The following THSD7B variants were observed in gnomAD, a reference collection of about 807,000 sequenced individuals.
The protein encoded by THSD7B is thrombospondin type-1 domain-containing protein 7B.
Under a neutral mutation model 213.6 loss-of-function variants are expected in THSD7B, and 138 were observed. The observed-to-expected ratio is 0.65, with a 90% CI of 0.56 to 0.74. THSD7B has a LOEUF of 0.74. THSD7B is among the 30% of genes least tolerant of loss of function. THSD7B has a pLI of 0.00. For missense variants in THSD7B, 1,931 were observed against 1,991.5 expected (o/e 0.97, Z 0.58); for synonymous variants, 742 against 687.0 (o/e 1.08, Z -1.25).
chr2:137,243,499 T>G (rs929341782), intron 10 of THSD7B, among the ~76,000 whole-genome samples: 21 of 152,204 alleles, frequency 1.4e-4, no homozygotes, highest in African/African-American at 5.1e-4. Context: ...AGAGCATGGC[T>G]CTCTTGCTGC....
intron 15 of THSD7B, among the ~76,000 whole-genome samples, chr2:137,511,894 T>C (rs1175124283): frequency 6.6e-6 from 1 of 152,176 alleles, no homozygotes; most frequent in Non-Finnish European, 1.5e-5. Context: ...CTTATTCCTT[T>C]GCCACCTGCC....
At chr2:136,970,970 A>C (rs1685394969) in intron 2 of THSD7B, among the ~76,000 whole-genome samples, 2 of 152,228 alleles carry the variant, frequency 1.3e-5, no homozygotes, top group Non-Finnish European at 2.9e-5. Flanking sequence ...TTACATGTCC[A>C]TATTTCAAGA....
chr2:137,122,949 T>G (rs143939829), intron 5 of THSD7B, among the ~76,000 whole-genome samples: 37 of 152,296 alleles, frequency 2.4e-4, no homozygotes, highest in African/African-American at 8.9e-4. Context: ...GTCACCTTGC[T>G]GCTATGCAAG....
chr2:136,977,159 T>G (rs1685495094), intron 2 of THSD7B, among the ~76,000 whole-genome samples: 1 of 152,214 alleles, frequency 6.6e-6, no homozygotes. Flanking sequence ...TATTGGTCTA[T>G]TCAACTTATT....
chr2:136,904,852 G>A (rs1684131694), intron 2 of THSD7B, among the ~76,000 whole-genome samples: 1 of 152,224 alleles, frequency 6.6e-6, no homozygotes, highest in Admixed American at 6.5e-5. Flanking sequence ...GCAAATGCAT[G>A]TTCCATTTGT....
At chr2:137,506,534 A>T (rs1321104824) in intron 15 of THSD7B, among the ~76,000 whole-genome samples, 1 of 152,194 alleles carries the variant, frequency 6.6e-6, no homozygotes, top group Non-Finnish European at 1.5e-5. Flanking sequence ...TGTGATTCTG[A>T]CTCTCAAACG....
intron 15 of THSD7B, among the ~76,000 whole-genome samples, chr2:137,560,336 G>T (rs569773505): frequency 6.6e-6 from 1 of 151,918 alleles, no homozygotes; most frequent in Non-Finnish European, 1.5e-5. Flanking sequence ...GATAGACTGG[G>T]TTAAAAAAAA....
rs147378647 is a variant in THSD7B at position 137,600,256 on chromosome 2, C to T, written c.3424-15919C>T. The stretch of plus-strand genomic sequence containing the variant: ...CAAAATGAGCATTCAGCTTTGGAAA[C>T]ACTAAAGGTTATTGGTTTCAGTATC... On this transcript the variant is annotated intron_variant, in intron 17 of 27. Coordinates refer to ENST00000409968, the MANE Select transcript of THSD7B (RefSeq NM_001316349.2). Among the ~76,000 whole-genome samples the T allele has an allele frequency of 3.7e-3, 568 of 152,246 alleles. 2 individuals carry two copies. The highest frequency in any genetic ancestry group is 0.013 in the African/African-American group (542 of 41,546).
intron 15 of THSD7B, among the ~76,000 whole-genome samples, chr2:137,549,059 G>A (rs1006852706): frequency 1.8e-4 from 27 of 151,866 alleles, no homozygotes; most frequent in African/African-American, 4.8e-4. Context: ...GGAAAGTAAA[G>A]GTTTTCCTCA....
At chr2:137,455,245 C>G (rs769386036) in intron 15 of THSD7B, among the ~76,000 whole-genome samples, 1 of 152,094 alleles carries the variant, frequency 6.6e-6, no homozygotes, top group Non-Finnish European at 1.5e-5. Flanking sequence ...TGAGTGGTGC[C>G]TAGTTCCACA....
chr2:137,392,929 T>C (rs181568289), intron 12 of THSD7B, among the ~76,000 whole-genome samples: 1 of 152,090 alleles, frequency 6.6e-6, no homozygotes, highest in African/African-American at 2.4e-5. Flanking sequence ...CTGAGTTTTA[T>C]ACTTTTTATG....
chr2:137,288,907 G>A (rs1683250321), intron 12 of THSD7B, among the ~76,000 whole-genome samples: 1 of 152,014 alleles, frequency 6.6e-6, no homozygotes, highest in Admixed American at 6.6e-5. Flanking sequence ...AAACTGGTGT[G>A]ATGAAAAGGA....
intron 1 of THSD7B, among the ~76,000 whole-genome samples, chr2:136,861,722 T>TATGACAATAATAAATGAC (rs1253418646): frequency 3.3e-5 from 5 of 152,248 alleles, no homozygotes; most frequent in Non-Finnish European, 5.9e-5. Flanking sequence ...AATGTATTGG[T>TATGACAATAATAAATGAC]CATTTATTAT....
intron 5 of THSD7B, among the ~76,000 whole-genome samples, chr2:137,154,436 C>T (rs1488835248): frequency 2.0e-5 from 3 of 152,016 alleles, no homozygotes; most frequent in Non-Finnish European, 1.5e-5. Flanking sequence ...TCTTATAGTA[C>T]CTCTTTTTAC....
chr2:137,166,186 A>G (rs1453628512), intron 6 of THSD7B, among the ~76,000 whole-genome samples: 1 of 152,114 alleles, frequency 6.6e-6, no homozygotes, highest in African/African-American at 2.4e-5. Context: ...CAAGGGAACC[A>G]TGATCGGCAG....
chr2:136,944,853 C>G (rs1416169477), intron 2 of THSD7B, among the ~76,000 whole-genome samples: 2 of 151,822 alleles, frequency 1.3e-5, no homozygotes, highest in Non-Finnish European at 2.9e-5. Flanking sequence ...ATTTGCCAGT[C>G]TGTGTCTTTT....
rs559458323 is a variant in THSD7B at position 137,034,897 on chromosome 2, C to T, written c.140-21523C>T. On this transcript the variant is annotated intron_variant, in intron 2 of 27. Coordinates refer to ENST00000409968, the MANE Select transcript of THSD7B (RefSeq NM_001316349.2). Reference sequence around the variant, plus strand: ...CTATTGTAAATAGTGCTGCAATAAACATACATGTGCATGTGTCTTTATAGT... The same window carrying T: ...CTATTGTAAATAGTGCTGCAATAAATATACATGTGCATGTGTCTTTATAGT... 2.0e-5 allele frequency among the ~76,000 whole-genome samples: 3 copies of T among 152,338 alleles called. No individual in the cohort carries two copies. In the South Asian group the frequency reaches 6.2e-4, roughly 32 times the overall value.
chr2:137,642,479 T>C lies in THSD7B; in HGVS notation c.3800-9T>C. ...AACTGAAAAGCTGACACCTCCCTTA[T>C]CATTTTAGGTCGAATGAGCCGGACT... On this transcript the variant is annotated splice_polypyrimidine_tract_variant and intron_variant, in intron 20 of 27. Coordinates refer to ENST00000409968, the MANE Select transcript of THSD7B (RefSeq NM_001316349.2). The C allele has an allele frequency of 1.9e-6, 3 of 1,613,230 alleles. No individual in the cohort carries two copies. Among genetic ancestry groups the C allele is most frequent in the Non-Finnish European group, 2.5e-6 (3 of 1,179,630 alleles).
chr2:137,526,324 G>T (rs1680277446), intron 15 of THSD7B, among the ~76,000 whole-genome samples: 1 of 152,164 alleles, frequency 6.6e-6, no homozygotes, highest in Non-Finnish European at 1.5e-5. Flanking sequence ...GCTAGGGGCT[G>T]AGAATGCAAA....
Sources: gnomAD v4.1 joint callset for allele counts (sites outside exome capture counted in the v4.1 genomes callset) on GRCh38, gnomAD v4.1.1 for gene constraint, MANE v1.5 for transcripts, NCBI Gene and HGNC (gene_info 2026-07-23, HGNC 2026-07-21) for gene names.